The following ANKRD17 variants were observed in gnomAD, a reference collection of about 807,000 sequenced individuals.
ANKRD17 encodes ankyrin repeat domain 17.
ANKRD17 carries 19 observed loss-of-function variants against 229.7 expected under a neutral mutation model. The ratio of observed to expected loss-of-function variants is 0.08; its 90% CI spans 0.06 to 0.12. The LOEUF is 0.12. ANKRD17 is among the 10% of genes least tolerant of loss of function. ANKRD17 has a pLI of 1.00. For missense variants in ANKRD17, 2,176 were observed against 3,176.8 expected (o/e 0.68, Z 7.57); for synonymous variants, 1,112 against 1,146.1 (o/e 0.97, Z 0.60).
At chr4:73,184,665 TA>T (rs1736055351) in intron 1 of ANKRD17, among the ~76,000 whole-genome samples, 1 of 151,986 alleles carries the variant, frequency 6.6e-6, no homozygotes, top group Admixed American at 6.6e-5. Flanking sequence ...CTCATTGGAT[TA>T]TACAAACACA....
chr4:73,093,880 T>C (rs1035533630), intron 28 of ANKRD17, among the ~76,000 whole-genome samples, 199 bp downstream of exon 28: 2 of 152,136 alleles, frequency 1.3e-5, no homozygotes, highest in Non-Finnish European at 2.9e-5. Flanking sequence ...CCTATAAAAG[T>C]CTCTGAAACA....
chr4:73,092,105 A>G lies in ANKRD17; in HGVS notation c.5523T>C (p.Ala1841=), dbSNP rs1722850366. 1.9e-6 allele frequency: 3 copies of G among 1,614,200 alleles called. No individual in the cohort carries two copies. The change falls in exon 29 of 34, where the codon GCT becomes GCC. Residue 1841 remains alanine (A), a synonymous_variant. Coordinates refer to ENST00000358602, the MANE Select transcript of ANKRD17 (RefSeq NM_032217.5). Reference sequence around the variant, plus strand: ...TGGCAGTTTGAGATGTTGATGACAGAGCTACAGTTGTCATTTTAATTCCCA... The same window carrying G: ...TGGCAGTTTGAGATGTTGATGACAGGGCTACAGTTGTCATTTTAATTCCCA... The part of the protein sequence containing the change: ...SLMGIKMTTV[A]LSSTSQTATA...
chr4:73,139,175 T>G (rs1234708224), intron 15 of ANKRD17, among the ~76,000 whole-genome samples: 2 of 152,146 alleles, frequency 1.3e-5, no homozygotes, highest in African/African-American at 2.4e-5. Flanking sequence ...ATTTCCCAGT[T>G]TATTGGTGTG....
At chr4:73,235,609 A>C (rs765160043) in intron 1 of ANKRD17, among the ~76,000 whole-genome samples, 13 of 152,184 alleles carry the variant, frequency 8.5e-5, no homozygotes, top group Non-Finnish European at 1.8e-4. Context: ...TAAATCCACC[A>C]TTTTTTAAAA....
intron 24 of ANKRD17, chr4:73,103,898 T>A (rs1724301730): frequency 6.6e-6 from 1 of 150,920 alleles, no homozygotes; most frequent in African/African-American, 2.4e-5. Context: ...CTAACGTTAA[T>A]AAGTTCTGAT....
intron 1 of ANKRD17, among the ~76,000 whole-genome samples, chr4:73,207,352 G>A (rs2149136123): frequency 6.6e-6 from 1 of 151,972 alleles, no homozygotes; most frequent in East Asian, 1.9e-4. Context: ...CATGAACAAA[G>A]GGAAAAAAGA....
chr4:73,231,207 G>A (rs1370969076), intron 1 of ANKRD17, among the ~76,000 whole-genome samples: 1 of 152,090 alleles, frequency 6.6e-6, no homozygotes. Context: ...ACAAGAAAAA[G>A]CTTAAATCTA....
intron 16 of ANKRD17, among the ~76,000 whole-genome samples, chr4:73,127,197 G>A (rs574667774): frequency 9.7e-4 from 147 of 152,154 alleles, no homozygotes; most frequent in African/African-American, 3.5e-3. Flanking sequence ...TGGGATGAGG[G>A]ACTTCTGGTG....
rs1467171152 is a variant in ANKRD17, at chr4:73,074,354, T to C, written c.*1877A>G. 6.6e-6 allele frequency: 1 copy of C among 151,996 alleles called. No homozygotes were observed. The highest frequency in any genetic ancestry group is 2.4e-5 in the African/African-American group (1 of 41,446). 9.4% of individuals were successfully genotyped at this position (151,996 alleles called of 1,614,324 possible). A position where few individuals can be genotyped will look rare whatever the true frequency, so the allele number is the denominator to read the frequency against. On this transcript the variant is annotated 3_prime_UTR_variant, in exon 34 of 34. Transcript: ENST00000358602. ...GAATTAAGAAAAAAAATTTTATGTA[T>C]AGAATAGTGGCAAGTCATATATAAA...
rs375570690 is a variant in ANKRD17 at position 73,155,794 on chromosome 4, T to C, written c.853-16A>G. 2.0e-5 allele frequency: 33 copies of C among 1,611,372 alleles called. No homozygotes were observed. In the East Asian group the frequency reaches 4.9e-4, roughly 24 times the overall value. ...CCAACAAAACCTTATGAGAGAAAAA[T>C]AGTTTAAAAAGATATTAGGAAATAA... On this transcript the variant is annotated splice_polypyrimidine_tract_variant and intron_variant, in intron 4 of 33. Transcript: ENST00000358602.
chr4:73,133,741 T>C (rs554386291), intron 16 of ANKRD17, among the ~76,000 whole-genome samples: 5 of 151,874 alleles, frequency 3.3e-5, no homozygotes, highest in Admixed American at 1.3e-4. Flanking sequence ...GTTAAGAGTG[T>C]CTTTGGGGGA....
intron 1 of ANKRD17, among the ~76,000 whole-genome samples, chr4:73,242,569 T>A (rs377263515): frequency 2.0e-5 from 3 of 152,230 alleles, no homozygotes; most frequent in Non-Finnish European, 4.4e-5. Context: ...AATCTGAGAA[T>A]ATTTCATGGT....
chr4:73,091,621 C>T lies in ANKRD17; in HGVS notation c.6007G>A (p.Val2003Met). 6.2e-7 allele frequency: 1 copy of T among 1,614,190 alleles called. No individual in the cohort carries two copies. The highest frequency in any genetic ancestry group is 1.1e-5 in the South Asian group (1 of 91,084). Residue 2003 changes from valine (V) to methionine (M), a missense_variant, in exon 29 of 34, where the codon GTG (valine) becomes ATG (methionine). Coordinates refer to ENST00000358602, the MANE Select transcript of ANKRD17 (RefSeq NM_032217.5). ...GTTGTGGTGGCATTGGATGTCTTCA[C>T]AACTGTGACAAAAAGCTGCCTTCGG... ...SVRRQLFVTV[V>M]KTSNATTTTV...
At chr4:73,202,924 G>A (rs1738869583) in intron 1 of ANKRD17, among the ~76,000 whole-genome samples, 1 of 152,176 alleles carries the variant, frequency 6.6e-6, no homozygotes, top group South Asian at 2.1e-4. Context: ...TAAAGAAAAT[G>A]TGAAACAATG....
At chr4:73,083,441 G>C (rs1207902249) in intron 30 of ANKRD17, among the ~76,000 whole-genome samples, 1 of 152,102 alleles carries the variant, frequency 6.6e-6, no homozygotes, top group East Asian at 1.9e-4. Context: ...AAACAGTAGA[G>C]AGAGAAAATA....
At position 73,090,892 on chromosome 4, in the gene ANKRD17, T is replaced by C. The variant is rs1389949639; in HGVS notation, c.6736A>G (p.Ser2246Gly). 1 of 1,614,106 alleles carries C rather than the reference T, an allele frequency of 6.2e-7. No individual in the cohort carries two copies. The highest frequency in any genetic ancestry group is 1.3e-5 in the African/African-American group (1 of 74,944). Residue 2246 changes from serine to glycine, a missense_variant, in exon 29 of 34, where the codon AGT becomes GGT. Coordinates refer to ENST00000358602, the MANE Select transcript of ANKRD17 (RefSeq NM_032217.5). ...AAGGGCCCAAATGGTAAGGGGGCAC[T>C]GAAATTGGGAGCAATAGGCTTATTT... Reference protein sequence around the residue: ...PANKPIAPNFSAPLPFGPFST... With the variant: ...PANKPIAPNFGAPLPFGPFST...
intron 1 of ANKRD17, among the ~76,000 whole-genome samples, chr4:73,216,504 T>C (rs890369132): frequency 1.3e-5 from 2 of 152,110 alleles, no homozygotes; most frequent in Non-Finnish European, 2.9e-5. Context: ...AGCATAAGGA[T>C]AGAAGATGAG....
chr4:73,230,660 G>T (rs1742955021), intron 1 of ANKRD17, among the ~76,000 whole-genome samples: 1 of 152,170 alleles, frequency 6.6e-6, no homozygotes, highest in African/African-American at 2.4e-5. Context: ...GAAAAGTACA[G>T]AAGAGAATTA....
At chr4:73,172,190 A>G (rs1263205469) in intron 2 of ANKRD17, among the ~76,000 whole-genome samples, 1 of 152,212 alleles carries the variant, frequency 6.6e-6, no homozygotes, top group African/African-American at 2.4e-5. Flanking sequence ...AAAGACACAA[A>G]TAAAATACAA....
Sources: gnomAD v4.1 joint callset for allele counts (sites outside exome capture counted in the v4.1 genomes callset) on GRCh38, gnomAD v4.1.1 for gene constraint, MANE v1.5 for transcripts, NCBI Gene and HGNC (gene_info 2026-07-23, HGNC 2026-07-21) for gene names.